The following LCMT1 variants were observed in gnomAD, a reference collection of about 807,000 sequenced individuals.
LCMT1 encodes leucine carboxyl methyltransferase 1.
In LCMT1, 32 loss-of-function variants were observed where a neutral mutation model predicts 47.7. That is an observed-to-expected ratio of 0.67 (90% CI 0.51 to 0.90). LCMT1 has a LOEUF of 0.90. Among genes scored for constraint, LCMT1 ranks in the 40% least tolerant of loss-of-function variants. The probability of loss-of-function intolerance (pLI) is 0.00; values close to 1 mark genes in which losing one functional copy is unlikely to be tolerated. For synonymous variants in LCMT1, 152 were observed against 149.7 expected (o/e 1.02, Z -0.11); for missense variants, 375 against 415.2 (o/e 0.90, Z 0.84).
chr16:25,167,824 G>C (rs939578328), intron 7 of LCMT1, among the ~76,000 whole-genome samples: 1 of 150,554 alleles, frequency 6.6e-6, no homozygotes, highest in Non-Finnish European at 1.5e-5. Flanking sequence ...GCAGTGGCAC[G>C]ATCTTGGCTC....
chr16:25,168,605 TAG>T (rs1475550176), intron 7 of LCMT1, among the ~76,000 whole-genome samples: 1 of 152,212 alleles, frequency 6.6e-6, no homozygotes, highest in African/African-American at 2.4e-5. Context: ...TCTATGTACA[TAG>T]AGAGATTCTT....
rs368670161 is a variant in LCMT1, at chr16:25,151,588, C to T, written c.439C>T (p.Leu147=). The change falls in exon 5 of 11, where the codon CTG becomes TTG. Residue 147 remains leucine (L), a synonymous_variant. Coordinates refer to ENST00000399069, the MANE Select transcript of LCMT1 (RefSeq NM_016309.3). ...KPPLSSPILE[L]HSEDTLQMDG... is the part of the protein sequence containing the mutation. ...TCCCCTATCCAGCCCCATTCTAGAA[C>T]TGCATTCAGAGGACACACTTCAGAT... The T allele has an allele frequency of 3.1e-6, 5 of 1,613,526 alleles. No homozygotes were observed. The highest frequency in any genetic ancestry group is 4.2e-6 in the Non-Finnish European group (5 of 1,179,654).
At chr16:25,118,517 G>T (rs980213525) in intron 1 of LCMT1, among the ~76,000 whole-genome samples, 1 of 152,180 alleles carries the variant, frequency 6.6e-6, no homozygotes, top group Non-Finnish European at 1.5e-5. Flanking sequence ...TGGAGCATTG[G>T]TTCCTGGAGT....
chr16:25,124,522 C>A (rs1960099440), intron 1 of LCMT1, among the ~76,000 whole-genome samples: 1 of 152,180 alleles, frequency 6.6e-6, no homozygotes, highest in Admixed American at 6.5e-5. Flanking sequence ...TGTATGTATT[C>A]ATATTTGGTC....
chr16:25,135,297 A>ATATATATATATATATATATATATATATG (rs1567313913), intron 3 of LCMT1, among the ~76,000 whole-genome samples: 10 of 149,998 alleles, frequency 6.7e-5, no homozygotes, highest in African/African-American at 2.5e-4. Flanking sequence ...ATATATCTAT[A>ATATATATATATATATATATATATATATG]TATATATATA....
chr16:25,135,359 C>CA (rs1306378951), intron 3 of LCMT1, among the ~76,000 whole-genome samples: 10 of 151,674 alleles, frequency 6.6e-5, no homozygotes, highest in Non-Finnish European at 1.3e-4. Context: ...AGCCCAGGGC[C>CA]AAATCTGGCC....
At chr16:25,148,081 A>G (rs2141676180) in intron 4 of LCMT1, 1 of 152,456 alleles carries the variant, frequency 6.6e-6, no homozygotes, top group Non-Finnish European at 1.5e-5. Flanking sequence ...GGCGACGAAA[A>G]GAGAGTTGGC....
At chr16:25,124,233 A>G (rs960930524) in intron 1 of LCMT1, among the ~76,000 whole-genome samples, 4 of 152,218 alleles carry the variant, frequency 2.6e-5, no homozygotes, top group African/African-American at 4.8e-5. Context: ...ATTTTTAAAC[A>G]ACATGTTTTT....
At chr16:25,155,741 A>C (rs966630534) in intron 5 of LCMT1, among the ~76,000 whole-genome samples, 1 of 150,660 alleles carries the variant, frequency 6.6e-6, no homozygotes, top group Non-Finnish European at 1.5e-5. Context: ...CAGTGGTGCA[A>C]TTGGTCACAG....
chr16:25,160,921 A>G (rs1357244495), intron 5 of LCMT1, 181 bp from the exon 6 acceptor site: 1 of 642,226 alleles, frequency 1.6e-6, no homozygotes, highest in Non-Finnish European at 2.9e-6. Context: ...AATGTTACAC[A>G]CCAAAACACG....
chr16:25,152,604 G>A (rs1025870089), intron 5 of LCMT1, among the ~76,000 whole-genome samples: 6 of 152,050 alleles, frequency 3.9e-5, no homozygotes, highest in Non-Finnish European at 5.9e-5. Context: ...GAAAAATCTC[G>A]ATTTCTAGCT....
In LCMT1 at chr16:25,121,991, TG is replaced by T. The variant is rs1390176276; in HGVS notation, c.114-6482del. 2.6e-5 allele frequency among the ~76,000 whole-genome samples: 4 copies of T among 152,250 alleles called. No homozygotes were observed. In the East Asian group the frequency reaches 7.7e-4, roughly 29 times the overall value. ...ACTCTTCTGTTGTTCATCATTTAGG[TG>T]GCTCTGGTTTTTGCTCTGAAAATAG... On this transcript the variant is annotated intron_variant, in intron 1 of 10. Coordinates refer to ENST00000399069, the MANE Select transcript of LCMT1 (RefSeq NM_016309.3).
At chr16:25,177,814 C>T (rs1180794774) in intron 10 of LCMT1, among the ~76,000 whole-genome samples, 187 bp from the exon 11 acceptor site, 1 of 152,170 alleles carries the variant, frequency 6.6e-6, no homozygotes, top group Non-Finnish European at 1.5e-5. Flanking sequence ...TTTAAAACCA[C>T]CCATAAACAC....
chr16:25,117,291 G>A (rs1291297329), intron 1 of LCMT1, among the ~76,000 whole-genome samples: 2 of 152,126 alleles, frequency 1.3e-5, no homozygotes, highest in African/African-American at 2.4e-5. Flanking sequence ...TGTCAGGATC[G>A]CAAATCTTAT....
rs34311865 is a variant in LCMT1, at chr16:25,132,858, C to CTTTTTTTTTTTTT, written c.327+340_327+352dup. On this transcript the variant is annotated intron_variant, in intron 3 of 10. Coordinates refer to ENST00000399069, the MANE Select transcript of LCMT1 (RefSeq NM_016309.3). ...GGAGAGCTCATGCATGCATTTGTAA[C>CTTTTTTTTTTTTT]TTTTTTTTTTTTTTTTTGAGCCAGA... Among the ~76,000 whole-genome samples, 595 of 140,458 alleles carry CTTTTTTTTTTTTT rather than the reference C, an allele frequency of 4.2e-3. 15 individuals are homozygous for CTTTTTTTTTTTTT. Among genetic ancestry groups the CTTTTTTTTTTTTT allele is most frequent in the African/African-American group, 0.016 (573 of 36,870 alleles). 92.1% of individuals were successfully genotyped at this position (140,458 alleles called of 152,430 possible).
At chr16:25,172,983 TAGC>T (rs1323974901) in intron 9 of LCMT1, among the ~76,000 whole-genome samples, 1 of 152,214 alleles carries the variant, frequency 6.6e-6, no homozygotes, top group Non-Finnish European at 1.5e-5. Flanking sequence ...CTTCTGTAGA[TAGC>T]AGCGTGTAAC....
rs565452933 is a variant in LCMT1 at position 25,132,483 on chromosome 16, A to G, written c.287A>G (p.Asn96Ser). 42 of 1,613,960 alleles carry G rather than the reference A, an allele frequency of 2.6e-5. No individual in the cohort carries two copies. The highest frequency in any genetic ancestry group is 1.3e-4 in the South Asian group (12 of 91,082). Residue 96 changes from asparagine (N) to serine (S), a missense_variant, in exon 3 of 11, where the codon AAC (asparagine) becomes AGC (serine). Asn to Ser is a conservative substitution (Grantham distance 46). Coordinates refer to ENST00000399069, the MANE Select transcript of LCMT1 (RefSeq NM_016309.3). ...RKTECHCQIV[N>S]LGAGMDTTFW... ...ACAGAATGTCATTGTCAAATTGTCA[A>G]CCTTGGGGCAGGCATGGATACCACC...
At chr16:25,117,169 G>T (rs1041485186) in intron 1 of LCMT1, among the ~76,000 whole-genome samples, 2 of 152,194 alleles carry the variant, frequency 1.3e-5, no homozygotes, top group Non-Finnish European at 2.9e-5. Context: ...TGGGAGAAGG[G>T]TTGGTGACAC....
At chr16:25,134,426 C>G (rs1960444927) in intron 3 of LCMT1, among the ~76,000 whole-genome samples, 1 of 152,222 alleles carries the variant, frequency 6.6e-6, no homozygotes. Context: ...GGAAATGAGA[C>G]TGCAAGATTG....
Sources: allele counts gnomAD v4.1 joint callset (sites outside exome capture counted in the v4.1 genomes callset), GRCh38; gene constraint gnomAD v4.1.1; transcripts MANE v1.5; gene names NCBI Gene and HGNC (gene_info 2026-07-23, HGNC 2026-07-21).